Variants in TADA1 observed in about 807,000 individuals in gnomAD.
TADA1 encodes transcriptional adapter 1.
Under a neutral mutation model 39.3 loss-of-function variants are expected in TADA1, and 23 were observed. The observed-to-expected ratio is 0.58, with a 90% CI of 0.42 to 0.83. The LOEUF (loss-of-function observed/expected upper bound fraction) is 0.83. Ranked by LOEUF, TADA1 falls within the 40% of genes least tolerant of loss-of-function variation. TADA1 has a pLI of 0.00. For synonymous variants in TADA1, 137 were observed against 151.8 expected (o/e 0.90, Z 0.72); for missense variants, 352 against 408.1 (o/e 0.86, Z 1.18).
At chr1:166,872,621 G>C (rs375468716) in intron 1 of TADA1, among the ~76,000 whole-genome samples, 1 of 151,928 alleles carries the variant, frequency 6.6e-6, no homozygotes, top group Admixed American at 6.6e-5. Flanking sequence ...GCAGTGAGCC[G>C]AGATAGTGCC....
rs1439642147 is a variant in TADA1 at position 166,862,364 on chromosome 1, C to T, written c.379G>A (p.Ala127Thr). 6.2e-7 allele frequency: 1 copy of T among 1,614,148 alleles called. No homozygotes were observed. Among genetic ancestry groups the T allele is most frequent in the South Asian group, 1.1e-5 (1 of 91,076 alleles). The change falls in exon 5 of 8, where the codon GCA (alanine) becomes ACA (threonine). Residue 127 changes from alanine to threonine, a missense_variant. Ala to Thr is a moderately conservative substitution (Grantham distance 58). Around this residue, in one of 3 missense-constraint regions of TADA1, gnomAD observed 285 missense variants for 310.9 expected, o/e 0.92. Transcript: ENST00000367874. Reference protein sequence around the residue: ...NPLSGAQQFVAKDPQDDDDLK... With the variant: ...NPLSGAQQFVTKDPQDDDDLK... ...TCGTCATCATCTTGGGGATCCTTTG[C>T]CACAAATTGCTGGGCTCCTGAGAGA...
Position 166,859,456 on chromosome 1 carries a change from C to CT in TADA1, c.692+729dup, listed in dbSNP as rs200222780. ...AACCATAAAGAAAATTACATTACTA[C>CT]TTTTTTTTTCCTTTCCCAAAGGCTT... On this transcript the variant is annotated intron_variant, in intron 6 of 7. Coordinates refer to ENST00000367874, the MANE Select transcript of TADA1 (RefSeq NM_053053.4). Among the ~76,000 whole-genome samples, 25 of 151,984 alleles carry CT rather than the reference C, an allele frequency of 1.6e-4. No homozygotes were observed. In the East Asian group the frequency reaches 4.6e-3, roughly 28 times the overall value.
chr1:166,862,485 G>C, intron 4 of TADA1, 73 bp from the exon 5 acceptor site: 1 of 1,247,528 alleles, frequency 8.0e-7, no homozygotes, highest in Non-Finnish European at 1.2e-6. Context: ...CTCCTGTACT[G>C]AAGTTGAGAT....
intron 3 of TADA1, among the ~76,000 whole-genome samples, chr1:166,868,524 C>A (rs1334615779): frequency 1.3e-5 from 2 of 152,236 alleles, no homozygotes; most frequent in Non-Finnish European, 2.9e-5. Flanking sequence ...CCTTCTTCAT[C>A]CTGATCTCCC....
intron 5 of TADA1, among the ~76,000 whole-genome samples, chr1:166,861,069 G>A (rs1658401984): frequency 6.6e-6 from 1 of 152,068 alleles, no homozygotes; most frequent in Admixed American, 6.5e-5. Flanking sequence ...AAGAACCTTG[G>A]CTCTCTCAAA....
chr1:166,869,176 G>T, intron 3 of TADA1: 1 of 440,118 alleles, frequency 2.3e-6, no homozygotes, highest in Non-Finnish European at 4.3e-6. Context: ...ACTGAAAGGG[G>T]TTCAGGAGGT....
At chr1:166,865,246 A>T (rs1175169895) in intron 3 of TADA1, among the ~76,000 whole-genome samples, 1 of 152,218 alleles carries the variant, frequency 6.6e-6, no homozygotes, top group Non-Finnish European at 1.5e-5. Flanking sequence ...AGAAAGGCCC[A>T]AAGAGTTCAG....
chr1:166,866,934 G>A (rs546388976), intron 3 of TADA1, among the ~76,000 whole-genome samples: 8 of 151,986 alleles, frequency 5.3e-5, no homozygotes, highest in Admixed American at 2.6e-4. Flanking sequence ...TAGTAGTGAC[G>A]GGGTTTCACC....
intron 6 of TADA1, among the ~76,000 whole-genome samples, chr1:166,859,932 A>G (rs1658368321): frequency 2.0e-5 from 3 of 152,194 alleles, no homozygotes; most frequent in Non-Finnish European, 1.5e-5. Flanking sequence ...GCACCTAAGA[A>G]AGTCGGGGCG....
At chr1:166,865,585 G>A (rs917402359) in intron 3 of TADA1, among the ~76,000 whole-genome samples, 14 of 151,980 alleles carry the variant, frequency 9.2e-5, no homozygotes, top group East Asian at 3.9e-4. Flanking sequence ...AGGCCGAGGC[G>A]GGCAGATCAC....
chr1:166,867,664 C>T (rs529575816), intron 3 of TADA1, among the ~76,000 whole-genome samples: 1 of 152,122 alleles, frequency 6.6e-6, no homozygotes, highest in African/African-American at 2.4e-5. Context: ...ACCTCTACCT[C>T]CCAGGTTCAA....
chr1:166,866,788 A>T (rs1216670839), intron 3 of TADA1, among the ~76,000 whole-genome samples: 1 of 151,282 alleles, frequency 6.6e-6, no homozygotes, highest in Non-Finnish European at 1.5e-5. Flanking sequence ...TCTGTCACCC[A>T]GGCTGGAGTG....
intron 3 of TADA1, among the ~76,000 whole-genome samples, chr1:166,866,733 C>A (rs1489486334): frequency 6.6e-6 from 1 of 150,716 alleles, no homozygotes; most frequent in Non-Finnish European, 1.5e-5. Context: ...ATTTGTTTGG[C>A]AATTTTTTTT....
chr1:166,869,888 A>G (rs1266178735), intron 1 of TADA1, 34 bp from the exon 2 acceptor site: 1 of 1,561,708 alleles, frequency 6.4e-7, no homozygotes, highest in East Asian at 2.2e-5. Context: ...AGAACCACAG[A>G]TTTGGCTGCT....
At chr1:166,857,868 G>T in intron 7 of TADA1, 149 bp from the exon 8 acceptor site, 1 of 1,015,408 alleles carries the variant, frequency 9.8e-7, no homozygotes, top group Non-Finnish European at 1.4e-6. Context: ...ATAATAATAA[G>T]GAAATAACAA....
intron 1 of TADA1, among the ~76,000 whole-genome samples, chr1:166,871,146 G>C (rs895854748): frequency 4.6e-5 from 7 of 152,026 alleles, no homozygotes; most frequent in Admixed American, 1.3e-4. Context: ...TTTTTAAAGT[G>C]AAAATCAACA....
At chr1:166,869,330 C>T in intron 3 of TADA1, 115 bp downstream of exon 3, 1 of 732,850 alleles carries the variant, frequency 1.4e-6, no homozygotes, top group Non-Finnish European at 2.2e-6. Flanking sequence ...TAAAACTTTT[C>T]TTCTGAGTAG....
chr1:166,864,219 G>C (rs1658478721), intron 3 of TADA1, among the ~76,000 whole-genome samples: 1 of 152,156 alleles, frequency 6.6e-6, no homozygotes, highest in African/African-American at 2.4e-5. Context: ...ATGTAGGACA[G>C]AATTTGCTGG....
chr1:166,874,580 T>C (rs927999941), intron 1 of TADA1, among the ~76,000 whole-genome samples: 3 of 152,062 alleles, frequency 2.0e-5, no homozygotes, highest in Non-Finnish European at 4.4e-5. Context: ...GAGGCCAGGA[T>C]TTGAGATCAG....
Sources: gnomAD v4.1 joint callset for allele counts (sites outside exome capture counted in the v4.1 genomes callset) on GRCh38, gnomAD v4.1.1 for gene constraint, gnomAD v4.1.1 regional missense constraint, MANE v1.5 for transcripts, NCBI Gene and HGNC (gene_info 2026-07-23, HGNC 2026-07-21) for gene names.